The following SNX16 variants were observed in gnomAD, a reference collection of about 807,000 sequenced individuals.
SNX16 encodes sorting nexin 16.
SNX16 carries 35 observed loss-of-function variants against 36.7 expected under a neutral mutation model. That is an observed-to-expected ratio of 0.95 (90% CI 0.73 to 1.27). SNX16 has a LOEUF of 1.27. Among genes scored for constraint, SNX16 ranks in the 50% most tolerant of loss-of-function variants. The pLI is 0.00. For synonymous variants in SNX16, 134 were observed against 132.0 expected (o/e 1.02, Z -0.10); for missense variants, 367 against 393.6 (o/e 0.93, Z 0.57).
intron 1 of SNX16, 90 bp from the exon 2 acceptor site, chr8:81,840,172 T>C: frequency 1.6e-6 from 1 of 623,404 alleles, no homozygotes; most frequent in South Asian, 3.0e-5. Context: ...TATGACACTA[T>C]TATTTTATTT....
rs753929965 is a variant in SNX16, at chr8:81,839,823, G to A, written c.164C>T (p.Thr55Ile). ...ATTATCCATTTGATCAGGAACACTT[G>A]TCTGTTTAAAATTACCCATATTTGA... Reference protein sequence around the residue: ...EDSNMGNFKQTSVPDQMDNTS... With the variant: ...EDSNMGNFKQISVPDQMDNTS... The change falls in exon 2 of 8, where the codon ACA becomes ATA. Residue 55 changes from threonine to isoleucine, a missense_variant. By Grantham distance (89) the Thr-to-Ile change is moderately conservative (BLOSUM62 -1). Coordinates refer to ENST00000345957, the MANE Select transcript of SNX16 (RefSeq NM_152836.3). 6.2e-7 allele frequency: 1 copy of A among 1,613,686 alleles called. No homozygotes were observed. The highest frequency in any genetic ancestry group is 1.7e-5 in the Admixed American group (1 of 60,014).
chr8:81,806,612 G>T (rs1171801085), intron 5 of SNX16, among the ~76,000 whole-genome samples: 1 of 152,080 alleles, frequency 6.6e-6, no homozygotes, highest in African/African-American at 2.4e-5. Flanking sequence ...TTTCATTAAA[G>T]TTAGGATGAA....
intron 5 of SNX16, among the ~76,000 whole-genome samples, chr8:81,804,993 A>T (rs185417202): frequency 6.7e-6 from 1 of 150,012 alleles, no homozygotes; most frequent in Middle Eastern, 3.5e-3. Context: ...AGTTAAGATT[A>T]AAAAAATTTT....
chr8:81,801,559 G>A lies in SNX16; in HGVS notation c.973C>T (p.Pro325Ser). 6.4e-7 allele frequency: 1 copy of A among 1,555,370 alleles called. No individual in the cohort carries two copies. Among genetic ancestry groups the A allele is most frequent in the Non-Finnish European group, 8.7e-7 (1 of 1,154,234 alleles). Residue 325 changes from proline (P) to serine (S), a missense_variant, in exon 8 of 8, where the codon CCT (proline) becomes TCT (serine). Pro to Ser is a moderately conservative substitution (Grantham distance 74). Transcript: ENST00000345957. ...DNKPCLSFSE[P>S]ENAVSEIEVA... ...TCTATCTCTGATACAGCATTTTCAG[G>A]TTCACTAAAACTTAAGCATGGTTTA...
chr8:81,805,744 C>T (rs1021613413), intron 5 of SNX16, among the ~76,000 whole-genome samples: 3 of 152,116 alleles, frequency 2.0e-5, no homozygotes, highest in Admixed American at 2.0e-4. Context: ...ACAGTGAAAC[C>T]CCGTCTCTAC....
intron 2 of SNX16, among the ~76,000 whole-genome samples, chr8:81,831,380 T>C (rs555782822): frequency 7.9e-5 from 12 of 152,220 alleles, no homozygotes; most frequent in Admixed American, 2.6e-4. Context: ...AGGTCTAATA[T>C]CCAGAATCCA....
chr8:81,802,426 A>C lies in SNX16; in HGVS notation c.892T>G (p.Ser298Ala). 1 of 1,609,906 alleles carries C rather than the reference A, an allele frequency of 6.2e-7. No homozygotes were observed. The highest frequency in any genetic ancestry group is 8.5e-7 in the Non-Finnish European group (1 of 1,177,356). ...TCTTGATCAACCTCAAGTGCAGAGGACTCCACCTTTAGGATCTGTTCACCT... is the reference window on the plus strand; with the variant it reads ...TCTTGATCAACCTCAAGTGCAGAGGCCTCCACCTTTAGGATCTGTTCACCT... ...TEGEQILKVESSALEVDQDVL... is the reference protein window; with the variant it reads ...TEGEQILKVEASALEVDQDVL... Residue 298 changes from serine to alanine, a missense_variant, in exon 7 of 8, where the codon TCC becomes GCC. Coordinates refer to ENST00000345957, the MANE Select transcript of SNX16 (RefSeq NM_152836.3).
chr8:81,821,457 A>C (rs1420072870), intron 4 of SNX16, among the ~76,000 whole-genome samples: 2 of 152,014 alleles, frequency 1.3e-5, no homozygotes, highest in Non-Finnish European at 2.9e-5. Flanking sequence ...AGGGGAGAGG[A>C]TATGTCGACT....
At chr8:81,813,505 A>T (rs1010198269) in intron 5 of SNX16, among the ~76,000 whole-genome samples, 1 of 149,042 alleles carries the variant, frequency 6.7e-6, no homozygotes, top group Non-Finnish European at 1.5e-5. Context: ...ATATGAGAAA[A>T]TATTTGTAAT....
intron 5 of SNX16, chr8:81,808,417 T>G: frequency 8.3e-7 from 1 of 1,210,748 alleles, no homozygotes; most frequent in Admixed American, 1.7e-5. Flanking sequence ...AATGACAACT[T>G]TGGTTGTGGA....
chr8:81,803,222 A>C lies in SNX16; in HGVS notation c.688T>G (p.Cys230Gly), dbSNP rs1174524898. Residue 230 changes from cysteine (C) to glycine (G), a missense_variant, in exon 6 of 8, where the codon TGT (cysteine) becomes GGT (glycine). Physicochemically the swap from Cys to Gly is radical, Grantham distance 159. Coordinates refer to ENST00000345957, the MANE Select transcript of SNX16 (RefSeq NM_152836.3). ...FDSLEESRAF[C>G]ETLEETNYRL... ...TAGTTTGTCTCTTCTAAAGTTTCACAGAATGCCTTAAAAAAAACAACAAAC... is the reference window on the plus strand; with the variant it reads ...TAGTTTGTCTCTTCTAAAGTTTCACCGAATGCCTTAAAAAAAACAACAAAC... The C allele has an allele frequency of 6.3e-7, 1 of 1,595,626 alleles. No individual in the cohort carries two copies. The highest frequency in any genetic ancestry group is 8.5e-7 in the Non-Finnish European group (1 of 1,174,650).
chr8:81,813,671 C>T lies in SNX16; in HGVS notation c.681+1654G>A, dbSNP rs76064623. 5.9e-3 allele frequency among the ~76,000 whole-genome samples: 900 copies of T among 151,834 alleles called. 46 individuals carry two copies. The East Asian group carries it at 0.093, about 16-fold the overall frequency. On this transcript the variant is annotated intron_variant, in intron 5 of 7. Coordinates refer to ENST00000345957, the MANE Select transcript of SNX16 (RefSeq NM_152836.3). ...CCTACAGACTGCAAGAAAATATCTA[C>T]AAATTGTATCTCTGATAAAGGATTA...
At chr8:81,826,021 ATTT>A (rs921861928) in intron 3 of SNX16, among the ~76,000 whole-genome samples, 2 of 139,440 alleles carry the variant, frequency 1.4e-5, no homozygotes, top group Non-Finnish European at 3.2e-5. Context: ...AAATGGTTAG[ATTT>A]TTTTTTTCCC....
At chr8:81,831,280 AAGTTTC>A (rs1224935417) in intron 2 of SNX16, among the ~76,000 whole-genome samples, 1 of 152,204 alleles carries the variant, frequency 6.6e-6, no homozygotes, top group Non-Finnish European at 1.5e-5. Context: ...AATTAAAATA[AAGTTTC>A]TGCACAGCAA....
rs1028131173 is a variant in SNX16, at chr8:81,801,376, T to C, written c.*121A>G. 1 of 508,314 alleles carries C rather than the reference T, an allele frequency of 2.0e-6. No homozygotes were observed. The highest frequency in any genetic ancestry group is 3.1e-5 in the East Asian group (1 of 32,172). The allele number at this position is 508,314 out of a possible 1,614,324, so 31.5% of individuals were successfully genotyped here. On this transcript the variant is annotated 3_prime_UTR_variant, in exon 8 of 8. Transcript: ENST00000345957. Reference sequence around the variant, plus strand: ...AAAAAACTTCTTTATGTAAACTTTATACATGTGCATTCTTGCTCTTTTCTA... The same window carrying C: ...AAAAAACTTCTTTATGTAAACTTTACACATGTGCATTCTTGCTCTTTTCTA...
rs750429980 is a variant in SNX16 at position 81,839,908 on chromosome 8, T to G, written c.79A>C (p.Ser27Arg). The stretch of plus-strand genomic sequence containing the variant: ...GTTGAGACACTGCCAAAAGAAGAAC[T>G]TCTTTGATTTCTGTTTGTTGTAAAA... ...SSFTTNRNQR[S>R]SSFGSVSTSS... The change falls in exon 2 of 8, where the codon AGT becomes CGT. Residue 27 changes from serine (S) to arginine (R), a missense_variant. Coordinates refer to ENST00000345957, the MANE Select transcript of SNX16 (RefSeq NM_152836.3). 9 of 1,613,990 alleles carry G rather than the reference T, an allele frequency of 5.6e-6. No individual in the cohort carries two copies. The highest frequency in any genetic ancestry group is 7.6e-6 in the Non-Finnish European group (9 of 1,179,906).
At chr8:81,827,372 G>A (rs1239797629) in intron 3 of SNX16, among the ~76,000 whole-genome samples, 1 of 151,980 alleles carries the variant, frequency 6.6e-6, no homozygotes, top group African/African-American at 2.4e-5. Context: ...AAATTAGTCT[G>A]CATGATCAAA....
At chr8:81,830,059 G>T (rs1327210607) in intron 2 of SNX16, among the ~76,000 whole-genome samples, 1 of 152,096 alleles carries the variant, frequency 6.6e-6, no homozygotes, top group Non-Finnish European at 1.5e-5. Context: ...CTGCGAAAAG[G>T]CTCTGGGAAC....
chr8:81,808,485 G>A, intron 5 of SNX16: 1 of 965,660 alleles, frequency 1.0e-6, no homozygotes, highest in Non-Finnish European at 1.7e-6. Context: ...GGGATATGGT[G>A]GCAGTGGGGA....
Sources: gnomAD v4.1 joint callset for allele counts (sites outside exome capture counted in the v4.1 genomes callset) on GRCh38, gnomAD v4.1.1 for gene constraint, MANE v1.5 for transcripts, NCBI Gene and HGNC (gene_info 2026-07-23, HGNC 2026-07-21) for gene names.